The following CNTN5 variants were observed in gnomAD, a reference collection of about 807,000 sequenced individuals.
CNTN5 encodes contactin-5.
In CNTN5, 77 loss-of-function variants were observed where a neutral mutation model predicts 129.1. The ratio of observed to expected loss-of-function variants is 0.60; its 90% CI spans 0.50 to 0.72. The LOEUF (loss-of-function observed/expected upper bound fraction) is 0.72, where lower values mean the gene tolerates loss of function less well. Ranked by LOEUF, CNTN5 falls within the 30% of genes least tolerant of loss-of-function variation. The pLI is 0.00. For synonymous variants in CNTN5, 509 were observed against 465.6 expected, an observed-to-expected ratio of 1.09 and a Z score of -1.20; for missense variants, 1,478 against 1,328.8, an observed-to-expected ratio of 1.11 and a Z score of -1.75.
rs374384868 is a variant in CNTN5, at chr11:100,061,208, G to A, written c.981-4G>A. 6.1e-5 allele frequency: 97 copies of A among 1,603,076 alleles called. 1 individual carries two copies. Among genetic ancestry groups the A allele is most frequent in the African/African-American group, 5.7e-4 (43 of 74,806 alleles). On this transcript the variant is annotated splice_polypyrimidine_tract_variant and splice_region_variant and intron_variant, in intron 9 of 24. Transcript: ENST00000524871. ...ATTAACAGTATTTTTGTTCCCTATCGTAGCCCCGTTCCAACAATCACATGG... is the reference window on the plus strand; with the variant it reads ...ATTAACAGTATTTTTGTTCCCTATCATAGCCCCGTTCCAACAATCACATGG...
At chr11:99,644,715 G>A (rs1951887355) in intron 3 of CNTN5, among the ~76,000 whole-genome samples, 1 of 152,070 alleles carries the variant, frequency 6.6e-6, no homozygotes, top group Non-Finnish European at 1.5e-5. Context: ...AAGCAACTGA[G>A]CAAAGCACTA....
chr11:99,581,837 T>G (rs1949608580), intron 3 of CNTN5, among the ~76,000 whole-genome samples: 2 of 152,234 alleles, frequency 1.3e-5, no homozygotes, highest in African/African-American at 4.8e-5. Context: ...TTAAGGTTAT[T>G]ATTGTTATAT....
chr11:99,276,745 G>A (rs1188030680), intron 1 of CNTN5, among the ~76,000 whole-genome samples: 2 of 151,176 alleles, frequency 1.3e-5, no homozygotes, highest in Admixed American at 6.6e-5. Context: ...CTATATATAT[G>A]TATACAAATA....
chr11:99,750,410 T>C (rs1364756116), intron 3 of CNTN5, among the ~76,000 whole-genome samples: 1 of 152,158 alleles, frequency 6.6e-6, no homozygotes, highest in Non-Finnish European at 1.5e-5. Context: ...TAAGCATCCA[T>C]TATAGCAATA....
chr11:100,219,484 G>A (rs1445137170), intron 15 of CNTN5, among the ~76,000 whole-genome samples: 5 of 152,082 alleles, frequency 3.3e-5, no homozygotes, highest in Admixed American at 1.3e-4. Flanking sequence ...ATACAGAAAT[G>A]CTACCAGCCC....
At position 100,001,903 on chromosome 11, in the gene CNTN5, T is replaced by C. The variant is rs560762587; in HGVS notation, c.878-131T>C. The C allele has an allele frequency of 1.6e-4, 106 of 649,510 alleles. 1 individual carries two copies. The highest frequency in any genetic ancestry group is 4.9e-4 in the South Asian group (25 of 51,212). 40.2% of individuals were successfully genotyped at this position (649,510 alleles called of 1,614,324 possible). A position where few individuals can be genotyped will look rare whatever the true frequency, so the allele number is the denominator to read the frequency against. On this transcript the variant is annotated intron_variant, in intron 8 of 24. Coordinates refer to ENST00000524871, the MANE Select transcript of CNTN5 (RefSeq NM_014361.4). ...TAAGTGTACTACTTATTTCAATACA[T>C]CGAAAAATTTAACAGTCATCAAACA... is the stretch of plus-strand genomic sequence containing the variant.
intron 3 of CNTN5, among the ~76,000 whole-genome samples, chr11:99,659,655 T>C (rs1952523561): frequency 6.6e-6 from 1 of 152,136 alleles, no homozygotes; most frequent in African/African-American, 2.4e-5. Flanking sequence ...AGTCTGGAAG[T>C]AGAATTCTCC....
intron 23 of CNTN5, among the ~76,000 whole-genome samples, chr11:100,342,357 G>A (rs985211963): frequency 1.3e-5 from 2 of 151,994 alleles, no homozygotes; most frequent in African/African-American, 4.8e-5. Context: ...GATAGCAGGC[G>A]AGAAATATGA....
At chr11:99,119,340 C>T (rs1271082896) in intron 1 of CNTN5, among the ~76,000 whole-genome samples, 1 of 152,114 alleles carries the variant, frequency 6.6e-6, no homozygotes, top group Non-Finnish European at 1.5e-5. Context: ...CTCTCTATGT[C>T]CATGTCTTCT....
chr11:99,157,712 A>G (rs946681350), intron 1 of CNTN5, among the ~76,000 whole-genome samples: 1 of 152,192 alleles, frequency 6.6e-6, no homozygotes, highest in African/African-American at 2.4e-5. Flanking sequence ...TACATTTCTC[A>G]GTATGATTAG....
intron 1 of CNTN5, among the ~76,000 whole-genome samples, chr11:99,141,802 T>C (rs1463326798): frequency 6.6e-6 from 1 of 152,168 alleles, no homozygotes; most frequent in East Asian, 1.9e-4. Context: ...AATTGAATGG[T>C]TTTGAGAAAC....
chr11:99,728,158 A>G (rs1943415339), intron 3 of CNTN5, among the ~76,000 whole-genome samples: 1 of 152,194 alleles, frequency 6.6e-6, no homozygotes, highest in Non-Finnish European at 1.5e-5. Context: ...AAAAATGTAG[A>G]TTTCAATATA....
intron 2 of CNTN5, among the ~76,000 whole-genome samples, chr11:99,547,764 A>G (rs561878427): frequency 2.0e-4 from 30 of 152,296 alleles, no homozygotes; most frequent in African/African-American, 5.8e-4. Flanking sequence ...TTTACCCTAA[A>G]GGATATGATT....
At chr11:99,142,210 C>A (rs1038613646) in intron 1 of CNTN5, among the ~76,000 whole-genome samples, 1 of 152,088 alleles carries the variant, frequency 6.6e-6, no homozygotes, top group Admixed American at 6.5e-5. Flanking sequence ...TGTTCTCAGT[C>A]CCCTGGCAAC....
At chr11:100,115,867 T>C (rs1945825215) in intron 13 of CNTN5, among the ~76,000 whole-genome samples, 2 of 152,048 alleles carry the variant, frequency 1.3e-5, no homozygotes, top group South Asian at 4.1e-4. Context: ...AATTTATTCA[T>C]ATATGGCCCA....
chr11:100,014,868 G>C (rs933478525), intron 9 of CNTN5, among the ~76,000 whole-genome samples: 2 of 152,006 alleles, frequency 1.3e-5, no homozygotes, highest in African/African-American at 4.8e-5. Context: ...TGTGGGATCA[G>C]GCTGGGTTTC....
intron 2 of CNTN5, among the ~76,000 whole-genome samples, chr11:99,391,529 A>G (rs1438998465): frequency 6.6e-6 from 1 of 152,150 alleles, no homozygotes; most frequent in Non-Finnish European, 1.5e-5. Flanking sequence ...GCTAAGATAT[A>G]TACAGCATTG....
chr11:99,042,716 T>A (rs544999740), intron 1 of CNTN5, among the ~76,000 whole-genome samples: 31 of 152,288 alleles, frequency 2.0e-4, no homozygotes, highest in African/African-American at 7.2e-4. Flanking sequence ...TCTTATTTCA[T>A]GTATTTAGCA....
In CNTN5 at chr11:99,686,253, G is replaced by A. The variant is rs150859535; in HGVS notation, c.55+129984G>A. ...CTCTATTCCTTCCTGCGTCTCTAAT[G>A]CTTATTTAGAGTCATTTTTATTCTG... On this transcript the variant is annotated intron_variant, in intron 3 of 24. Coordinates refer to ENST00000524871, the MANE Select transcript of CNTN5 (RefSeq NM_014361.4). 2.5e-3 allele frequency among the ~76,000 whole-genome samples: 383 copies of A among 152,010 alleles called. 2 individuals are homozygous for A. Among genetic ancestry groups the A allele is most frequent in the African/African-American group, 8.8e-3 (364 of 41,468 alleles).
Sources: gnomAD v4.1 joint callset for allele counts (sites outside exome capture counted in the v4.1 genomes callset) on GRCh38, gnomAD v4.1.1 for gene constraint, MANE v1.5 for transcripts, NCBI Gene and HGNC (gene_info 2026-07-23, HGNC 2026-07-21) for gene names.